USP6NL: variants seen among roughly 807,000 people sequenced by gnomAD.
USP6NL encodes USP6 N-terminal-like protein.
A neutral mutation model predicts 61.9 loss-of-function variants in USP6NL; 26 were observed. The ratio of observed to expected loss-of-function variants is 0.42; its 90% confidence interval spans 0.31 to 0.58. The LOEUF is 0.58. Ranked by LOEUF, USP6NL falls within the 20% of genes least tolerant of loss-of-function variation. The pLI is 0.16. For missense variants in USP6NL, 1,114 were observed against 1,034.3 expected, an observed-to-expected ratio of 1.08 and a Z score of -1.06; for synonymous variants, 432 against 390.1, an observed-to-expected ratio of 1.11 and a Z score of -1.27.
chr10:11,516,475 G>C (rs1179191620), intron 5 of USP6NL, among the ~76,000 whole-genome samples: 2 of 152,138 alleles, frequency 1.3e-5, no homozygotes, highest in African/African-American at 4.8e-5. Context: ...CAGAACACAA[G>C]AACTTAACTC....
rs1833180870 is a variant in USP6NL, at chr10:11,481,172, C to T, written c.1078+598G>A. ...TCTTAAATCCCCAGCAAAGTAGTAC[C>T]TAGCAGAAAACCTATTAGTAGGTGC... On this transcript the variant is annotated intron_variant, in intron 14 of 14. Coordinates refer to ENST00000609104, the MANE Select transcript of USP6NL (RefSeq NM_014688.5). The surrounding 1 kb of genome is among the most constrained non-coding windows in gnomAD (Gnocchi z 4.4). Among the ~76,000 whole-genome samples the T allele has an allele frequency of 6.6e-6, 1 of 152,168 alleles. No individual in the cohort carries two copies. Among genetic ancestry groups the T allele is most frequent in the African/African-American group, 2.4e-5 (1 of 41,446 alleles).
Position 11,532,248 on chromosome 10 carries a change from T to G in USP6NL, c.5-4681A>C, listed in dbSNP as rs1273907966. 6.3e-7 allele frequency: 1 copy of G among 1,586,692 alleles called. No homozygotes were observed. Among genetic ancestry groups the G allele is most frequent in the Non-Finnish European group, 8.6e-7 (1 of 1,166,426 alleles). The stretch of plus-strand genomic sequence containing the variant: ...CAGTCCTCATAGAGTAACTTATCTA[T>G]TCCAAGATTTCATTATTATTTTATA... On this transcript the variant is annotated intron_variant, in intron 2 of 14. Coordinates refer to ENST00000609104, the MANE Select transcript of USP6NL (RefSeq NM_014688.5). The surrounding 1 kb of genome is among the most constrained non-coding windows in gnomAD (Gnocchi z 4.1).
intron 5 of USP6NL, among the ~76,000 whole-genome samples, chr10:11,514,331 G>T (rs1834862369): frequency 6.7e-6 from 1 of 148,376 alleles, no homozygotes; most frequent in African/African-American, 2.5e-5. Flanking sequence ...CTGTGATGGT[G>T]GTAAAATGGT....
Position 11,518,633 on chromosome 10 carries a change from C to T in USP6NL, c.156-59G>A. 8.0e-7 allele frequency: 1 copy of T among 1,254,406 alleles called. No homozygotes were observed. The highest frequency in any genetic ancestry group is 1.9e-5 in the Admixed American group (1 of 53,402). 77.7% of individuals were successfully genotyped at this position (1,254,406 alleles called of 1,614,324 possible). On this transcript the variant is annotated intron_variant, in intron 4 of 14. Coordinates refer to ENST00000609104, the MANE Select transcript of USP6NL (RefSeq NM_014688.5). The surrounding 1 kb of genome is among the most constrained non-coding windows in gnomAD (Gnocchi z 5.3). ...TGAAATCAAAACAAACTTTTAAAAG[C>T]TTATATACTTATAGATACATATGAC...
chr10:11,482,450 A>C lies in USP6NL; in HGVS notation c.926-528T>G, dbSNP rs1046113705. Among the ~76,000 whole-genome samples the C allele has an allele frequency of 6.6e-6, 1 of 152,376 alleles. No homozygotes were observed. Among genetic ancestry groups the C allele is most frequent in the East Asian group, 1.9e-4 (1 of 5,194 alleles). On this transcript the variant is annotated intron_variant, in intron 13 of 14. Transcript: ENST00000609104. This position sits in a 1 kb window ranked among gnomAD's most constrained non-coding sequence, Gnocchi z 4.0. ...ATATGAACACAAAGCAGAAAGTAAA[A>C]ATCTGCTCATTACATAATACCCTAC...
chr10:11,469,046 A>T (rs1344531204), intron 14 of USP6NL, among the ~76,000 whole-genome samples: 1 of 152,210 alleles, frequency 6.6e-6, no homozygotes, highest in Non-Finnish European at 1.5e-5. Flanking sequence ...AGGGCCTAAT[A>T]GTCTACACAT....
intron 6 of USP6NL, among the ~76,000 whole-genome samples, 180 bp from the exon 7 acceptor site, chr10:11,501,388 G>C (rs141634157): frequency 7.5e-4 from 114 of 152,270 alleles, no homozygotes; most frequent in African/African-American, 2.6e-3. Context: ...ATTCTAACAG[G>C]GAGATACAGA....
intron 2 of USP6NL, among the ~76,000 whole-genome samples, chr10:11,576,068 A>G (rs755216403): frequency 7.2e-5 from 11 of 151,800 alleles, no homozygotes; most frequent in Non-Finnish European, 1.6e-4. Context: ...AAATACTTCA[A>G]CTCACTCTCT....
rs1426859120 is a variant in USP6NL at position 11,510,547 on chromosome 10, G to A, written c.196-872C>T. On this transcript the variant is annotated intron_variant, in intron 5 of 14. Transcript: ENST00000609104. The surrounding 1 kb of genome is among the most constrained non-coding windows in gnomAD (Gnocchi z 4.8). ...AAGTGAAATTCAGGGGCAAGGCTGC[G>A]GAATGGGGAAAGTGAGACGGAAAAT... Among the ~76,000 whole-genome samples, 7 of 152,136 alleles carry A rather than the reference G, an allele frequency of 4.6e-5. No homozygotes were observed. The highest frequency in any genetic ancestry group is 1.9e-4 in the East Asian group (1 of 5,186).
rs570536475 is a variant in USP6NL at position 11,604,545 on chromosome 10, T to C, written c.-83-6828A>G. ...CCTCAATGAGGGCAAATCATCAACC[T>C]TGGAGGAAAATAATTTTTTGTGATA... is the stretch of plus-strand genomic sequence containing the variant. On this transcript the variant is annotated intron_variant, in intron 1 of 14. Coordinates refer to ENST00000609104, the MANE Select transcript of USP6NL (RefSeq NM_014688.5). Among the ~76,000 whole-genome samples, 24 of 152,292 alleles carry C rather than the reference T, an allele frequency of 1.6e-4. 1 individual carries two copies. In the East Asian group the frequency reaches 4.4e-3, roughly 28 times the overall value.
chr10:11,545,230 C>G (rs1203902175), intron 2 of USP6NL, among the ~76,000 whole-genome samples: 1 of 152,148 alleles, frequency 6.6e-6, no homozygotes, highest in Non-Finnish European at 1.5e-5. Flanking sequence ...CCCTCTCTGC[C>G]CCACCCTCCC....
chr10:11,505,703 CTAA>C (rs1834400465), intron 6 of USP6NL, among the ~76,000 whole-genome samples: 1 of 152,134 alleles, frequency 6.6e-6, no homozygotes, highest in Non-Finnish European at 1.5e-5. Context: ...CAACAAATGA[CTAA>C]TGTTTTCAGT....
intron 2 of USP6NL, among the ~76,000 whole-genome samples, chr10:11,547,882 A>G (rs573165459): frequency 6.6e-6 from 1 of 152,336 alleles, no homozygotes; most frequent in South Asian, 2.1e-4. Context: ...ATTTGTTAGG[A>G]GTAAAGTCTT....
rs937811536 is a variant in USP6NL, at chr10:11,476,403, A to G, written c.1078+5367T>C. On this transcript the variant is annotated intron_variant, in intron 14 of 14. Transcript: ENST00000609104. The surrounding 1 kb of genome is among the most constrained non-coding windows in gnomAD (Gnocchi z 4.3). Reference sequence around the variant, plus strand: ...TAAAATTGTTCAAATAAGCTGGGCAATGGGTACCTGGGAGGAAGTCATTAT... The same window carrying G: ...TAAAATTGTTCAAATAAGCTGGGCAGTGGGTACCTGGGAGGAAGTCATTAT... Among the ~76,000 whole-genome samples, 7 of 152,222 alleles carry G rather than the reference A, an allele frequency of 4.6e-5. No individual in the cohort carries two copies. Among genetic ancestry groups the G allele is most frequent in the African/African-American group, 1.7e-4 (7 of 41,454 alleles).
chr10:11,527,993 A>G (rs1835487919), intron 2 of USP6NL, among the ~76,000 whole-genome samples: 1 of 152,162 alleles, frequency 6.6e-6, no homozygotes, highest in Non-Finnish European at 1.5e-5. Context: ...TACAATATTT[A>G]TTTTACATGA....
intron 6 of USP6NL, among the ~76,000 whole-genome samples, chr10:11,505,758 G>T (rs1290923172): frequency 2.0e-5 from 3 of 152,132 alleles, no homozygotes; most frequent in African/African-American, 7.2e-5. Context: ...TGACAAGTGT[G>T]CAATCCACAT....
intron 2 of USP6NL, among the ~76,000 whole-genome samples, chr10:11,571,747 G>A (rs1837370841): frequency 6.7e-6 from 1 of 149,568 alleles, no homozygotes; most frequent in African/African-American, 2.5e-5. Flanking sequence ...TTGGTAAGAT[G>A]TAACAATATT....
chr10:11,544,822 C>G (rs1221984189), intron 2 of USP6NL, among the ~76,000 whole-genome samples: 1 of 152,160 alleles, frequency 6.6e-6, no homozygotes, highest in East Asian at 1.9e-4. Context: ...ATAAGCAGGA[C>G]CAACTTCACA....
intron 14 of USP6NL, among the ~76,000 whole-genome samples, chr10:11,469,441 G>A (rs1375996750): frequency 6.6e-6 from 1 of 152,188 alleles, no homozygotes; most frequent in African/African-American, 2.4e-5. Flanking sequence ...GATGTAGCAG[G>A]GTTCGGGGGG....
Sources: gnomAD v4.1 joint callset for allele counts (sites outside exome capture counted in the v4.1 genomes callset) on GRCh38, gnomAD v4.1.1 for gene constraint, Gnocchi (gnomAD v3.1) non-coding constraint, MANE v1.5 for transcripts, NCBI Gene and HGNC (gene_info 2026-07-23, HGNC 2026-07-21) for gene names.